CAST: variants seen among roughly 807,000 people sequenced by gnomAD.
The protein encoded by CAST is calpastatin.
A neutral mutation model predicts 119.6 loss-of-function variants in CAST; 76 were observed. That is an observed-to-expected ratio of 0.64 (90% CI 0.53 to 0.77). The LOEUF (loss-of-function observed/expected upper bound fraction) is 0.77. Ranked by LOEUF, CAST falls within the 30% of genes least tolerant of loss-of-function variation. The probability of loss-of-function intolerance (pLI) is 0.00; values close to 1 mark genes in which losing one functional copy is unlikely to be tolerated. For missense variants in CAST, 953 were observed against 946.5 expected (o/e 1.01, Z -0.09); for synonymous variants, 319 against 331.6 (o/e 0.96, Z 0.41).
At chr5:96,531,929 C>T (rs1476533626) in intron 1 of CAST, among the ~76,000 whole-genome samples, 1 of 151,966 alleles carries the variant, frequency 6.6e-6, no homozygotes, top group Admixed American at 6.6e-5. Context: ...GAAAGTAGGA[C>T]AAAAAGTCAA....
chr5:96,512,177 C>T, the CAST span, among the ~76,000 whole-genome samples: 2 of 152,148 alleles, frequency 1.3e-5, no homozygotes, highest in Non-Finnish European at 2.9e-5. Context: ...TTCCATAGTA[C>T]TTATTTTAGA....
At chr5:96,561,179 A>C (rs1035947917) in intron 1 of CAST, among the ~76,000 whole-genome samples, 1 of 135,856 alleles carries the variant, frequency 7.4e-6, no homozygotes. Context: ...AGGAAGGGGA[A>C]CATCACACAC....
upstream of CAST, among the ~76,000 whole-genome samples, chr5:96,657,353 T>C (rs1385745874): frequency 6.6e-6 from 1 of 152,150 alleles, no homozygotes; most frequent in Non-Finnish European, 1.5e-5. Flanking sequence ...CCAATCTACA[T>C]GCCTTCTGGA....
At chr5:96,623,069 T>C (rs1238777390) in intron 1 of CAST, among the ~76,000 whole-genome samples, 1 of 151,944 alleles carries the variant, frequency 6.6e-6, no homozygotes, top group African/African-American at 2.4e-5. Context: ...TCACCATATA[T>C]TGGCCAGGCT....
intron 1 of CAST, among the ~76,000 whole-genome samples, chr5:96,672,704 C>T (rs1750244706): frequency 1.8e-5 from 1 of 55,236 alleles, no homozygotes. Context: ...GAGACTCAGT[C>T]TCAAAAAAAA....
At chr5:95,983,389 C>T in the CAST span, among the ~76,000 whole-genome samples, 1 of 152,192 alleles carries the variant, frequency 6.6e-6, no homozygotes, top group African/African-American at 2.4e-5. Context: ...CATTTCATAA[C>T]TCTGTTAGGC....
At chr5:96,541,033 G>A (rs964209522) in intron 1 of CAST, among the ~76,000 whole-genome samples, 57 of 151,766 alleles carry the variant, frequency 3.8e-4, no homozygotes, top group African/African-American at 1.4e-3. Context: ...TTGGCAAGAA[G>A]TCGCAATGCA....
chr5:96,370,798 A>G, the CAST span, among the ~76,000 whole-genome samples: 1 of 152,238 alleles, frequency 6.6e-6, no homozygotes, highest in Non-Finnish European at 1.5e-5. Context: ...AAGCAAAACA[A>G]TAGAAGAAAG....
At chr5:96,688,309 A>G (rs1026960738) in intron 2 of CAST, among the ~76,000 whole-genome samples, 1 of 152,226 alleles carries the variant, frequency 6.6e-6, no homozygotes, top group African/African-American at 2.4e-5. Context: ...ATTAAAACAA[A>G]TTAGAAATGT....
At chr5:96,185,167 T>C in the CAST span, among the ~76,000 whole-genome samples, 1 of 152,260 alleles carries the variant, frequency 6.6e-6, no homozygotes, top group East Asian at 1.9e-4. Flanking sequence ...TTTCTGTTCA[T>C]GTCCTTTGCC....
intron 1 of CAST, among the ~76,000 whole-genome samples, chr5:96,561,786 G>GGTTTTTTTTTT (rs1189100090): frequency 0.011 from 1,143 of 105,270 alleles, 169 homozygotes; most frequent in Middle Eastern, 0.027. Context: ...TTATATATAT[G>GGTTTTTTTTTT]TTTTTTTTTG....
At chr5:96,499,672 G>T in the CAST span, among the ~76,000 whole-genome samples, 2 of 152,192 alleles carry the variant, frequency 1.3e-5, no homozygotes, top group Admixed American at 1.3e-4. Flanking sequence ...GATGCTGTTG[G>T]ATAGCATTTA....
At chr5:96,655,142 A>C (rs915984079) in intron 1 of CAST, among the ~76,000 whole-genome samples, 2 of 152,238 alleles carry the variant, frequency 1.3e-5, no homozygotes, top group African/African-American at 4.8e-5. Context: ...ATAGGTGATC[A>C]GAAAAGGACA....
the CAST span, among the ~76,000 whole-genome samples, chr5:96,414,320 C>T: frequency 2.6e-5 from 4 of 152,126 alleles, no homozygotes; most frequent in African/African-American, 9.7e-5. Context: ...ATAAACTCAT[C>T]TAAACCTTAC....
the CAST span, chr5:96,422,015 A>AGC: frequency 1.2e-6 from 1 of 858,960 alleles, no homozygotes; most frequent in Non-Finnish European, 1.9e-6. Context: ...AAAAAAAAAA[A>AGC]AAAAGCATCA....
the CAST span, among the ~76,000 whole-genome samples, chr5:95,985,743 C>T: frequency 6.6e-6 from 1 of 152,138 alleles, no homozygotes; most frequent in Non-Finnish European, 1.5e-5. Context: ...AGTTAGGGGA[C>T]TTTAATGTTC....
intron 1 of CAST, among the ~76,000 whole-genome samples, chr5:96,581,313 G>A (rs955572248): frequency 1.3e-5 from 2 of 152,144 alleles, no homozygotes; most frequent in East Asian, 3.9e-4. Context: ...GACCTCAGTA[G>A]TGATCATGGC....
the CAST span, among the ~76,000 whole-genome samples, chr5:96,144,872 G>A: frequency 6.6e-6 from 1 of 151,938 alleles, no homozygotes. Context: ...GTAGAGACGA[G>A]GTTTCACCAT....
the CAST span, among the ~76,000 whole-genome samples, chr5:96,000,297 T>C: frequency 1.9e-3 from 294 of 152,316 alleles, 1 homozygote; most frequent in African/African-American, 6.8e-3. Flanking sequence ...GGAACATGTT[T>C]TTAGTTTCAT....
Sources: gnomAD v4.1 joint callset for allele counts (sites outside exome capture counted in the v4.1 genomes callset) on GRCh38, gnomAD v4.1.1 for gene constraint, MANE v1.5 for transcripts, NCBI Gene and HGNC (gene_info 2026-07-23, HGNC 2026-07-21) for gene names.